The following PIEZO2 variants were observed in gnomAD, a reference collection of about 807,000 sequenced individuals.
The protein encoded by PIEZO2 is piezo-type mechanosensitive ion channel component 2.
PIEZO2 carries 172 observed loss-of-function variants against 337.3 expected under a neutral mutation model. That is an observed-to-expected ratio of 0.51 (90% CI 0.45 to 0.58). The LOEUF (loss-of-function observed/expected upper bound fraction) is 0.58, where lower values mean the gene tolerates loss of function less well. Ranked by LOEUF, PIEZO2 falls within the 20% of genes least tolerant of loss-of-function variation. PIEZO2 has a pLI of 0.00. For missense variants in PIEZO2, 3,028 were observed against 3,391.3 expected (o/e 0.89, Z 2.66); for synonymous variants, 1,251 against 1,228.5 (o/e 1.02, Z -0.38).
chr18:11,024,650 G>A (rs113898403), intron 2 of PIEZO2, among the ~76,000 whole-genome samples: 8,449 of 151,744 alleles, frequency 0.056, 707 homozygotes, highest in African/African-American at 0.18. Context: ...GTTTTGTTTC[G>A]TTTTTTTGAG....
chr18:11,066,287 G>A, intron 1 of PIEZO2, 65 bp from the exon 2 acceptor site: 1 of 1,281,434 alleles, frequency 7.8e-7, no homozygotes, highest in Non-Finnish European at 1.1e-6. Context: ...CAAAACCAGG[G>A]GTGCATAACA....
intron 27 of PIEZO2, among the ~76,000 whole-genome samples, chr18:10,753,093 A>C (rs1359763255): frequency 2.6e-5 from 4 of 152,206 alleles, no homozygotes; most frequent in African/African-American, 9.7e-5. Context: ...GCTTCTCGTC[A>C]CCTTATTCAG....
chr18:10,785,016 T>A, intron 16 of PIEZO2, 59 bp from the exon 17 acceptor site: 2 of 1,463,356 alleles, frequency 1.4e-6, no homozygotes, highest in African/African-American at 1.4e-5. Context: ...AGTCACAAAC[T>A]CTTTGTGATA....
chr18:11,123,765 G>A (rs1316236183), intron 1 of PIEZO2, among the ~76,000 whole-genome samples: 2 of 151,424 alleles, frequency 1.3e-5, no homozygotes. Flanking sequence ...AGCTGAGATC[G>A]CACCATTGCA....
At chr18:10,753,286 T>C (rs2037714551) in intron 27 of PIEZO2, among the ~76,000 whole-genome samples, 1 of 152,182 alleles carries the variant, frequency 6.6e-6, no homozygotes, top group South Asian at 2.1e-4. Flanking sequence ...AAATTTATGT[T>C]GAACACAAAG....
At chr18:11,086,807 A>T (rs1426745481) in intron 1 of PIEZO2, among the ~76,000 whole-genome samples, 1 of 152,188 alleles carries the variant, frequency 6.6e-6, no homozygotes, top group Non-Finnish European at 1.5e-5. Flanking sequence ...ATTTAAAGGA[A>T]ACAGGATTTT....
At chr18:10,736,515 A>G in intron 34 of PIEZO2, 89 bp downstream of exon 34, 1 of 1,484,856 alleles carries the variant, frequency 6.7e-7, no homozygotes, top group South Asian at 1.3e-5. Flanking sequence ...ACATATGAAT[A>G]TTACAGGAGG....
chr18:10,733,694 C>T (rs956026715), intron 35 of PIEZO2, among the ~76,000 whole-genome samples: 11 of 152,174 alleles, frequency 7.2e-5, no homozygotes, highest in African/African-American at 2.4e-4. Flanking sequence ...GTGATCTGCC[C>T]GCCTCGGCCT....
intron 7 of PIEZO2, among the ~76,000 whole-genome samples, chr18:10,849,485 G>A (rs890519981): frequency 6.6e-6 from 1 of 152,218 alleles, no homozygotes; most frequent in Non-Finnish European, 1.5e-5. Flanking sequence ...ATTCCCAGTA[G>A]TGAAACAGGA....
chr18:10,895,430 A>G lies in PIEZO2; in HGVS notation c.329+15756T>C, dbSNP rs1407614333. ...CACAGCACTCCAGCCTGGGCAACAGAGCAAGACTCCGTCTCAAAAATAATA... is the reference window on the plus strand; with the variant it reads ...CACAGCACTCCAGCCTGGGCAACAGGGCAAGACTCCGTCTCAAAAATAATA... On this transcript the variant is annotated intron_variant, in intron 4 of 55. Transcript: ENST00000674853. The surrounding 1 kb of genome is among the most constrained non-coding windows in gnomAD (Gnocchi z 4.8). Among the ~76,000 whole-genome samples, 1 of 152,090 alleles carries G rather than the reference A, an allele frequency of 6.6e-6. No individual in the cohort carries two copies. Among genetic ancestry groups the G allele is most frequent in the Non-Finnish European group, 1.5e-5 (1 of 68,020 alleles).
At chr18:10,733,448 ATTTTTTTT>A (rs34583213) in intron 35 of PIEZO2, among the ~76,000 whole-genome samples, 1 of 128,312 alleles carries the variant, frequency 7.8e-6, no homozygotes, top group African/African-American at 3.1e-5. Flanking sequence ...AAACTTCCCA[ATTTTTTTT>A]TTTTTTTTTT....
intron 1 of PIEZO2, among the ~76,000 whole-genome samples, chr18:11,133,439 T>G (rs1002278691): frequency 2.0e-5 from 3 of 152,164 alleles, no homozygotes; most frequent in Non-Finnish European, 1.5e-5. Context: ...TTGATTGGAT[T>G]GAAGGATACA....
chr18:10,982,237 A>G lies in PIEZO2; in HGVS notation c.161-2577T>C, dbSNP rs984906261. ...GTGTATTCGGGTTCTCTAGAGGGACAGGACTAATAAGATAGATGCATATAT... is the reference window on the plus strand; with the variant it reads ...GTGTATTCGGGTTCTCTAGAGGGACGGGACTAATAAGATAGATGCATATAT... On this transcript the variant is annotated intron_variant, in intron 2 of 55. Transcript: ENST00000674853. This position sits in a 1 kb window ranked among gnomAD's most constrained non-coding sequence, Gnocchi z 4.1. Among the ~76,000 whole-genome samples the G allele has an allele frequency of 6.6e-6, 1 of 152,220 alleles. No homozygotes were observed. The highest frequency in any genetic ancestry group is 2.4e-5 in the African/African-American group (1 of 41,462).
chr18:11,011,224 C>T (rs1567159), intron 2 of PIEZO2, among the ~76,000 whole-genome samples: 24,158 of 152,118 alleles, frequency 0.16, 2,025 homozygotes, highest in Admixed American at 0.22. Context: ...GTCATCTATT[C>T]AACAGAACTT....
At chr18:10,745,925 T>C (rs527646253) in intron 30 of PIEZO2, among the ~76,000 whole-genome samples, 62 of 152,152 alleles carry the variant, frequency 4.1e-4, no homozygotes, top group African/African-American at 1.4e-3. Context: ...GTTCCTATAT[T>C]TGGGACTGGC....
chr18:10,685,450 T>C (rs1276244847), intron 49 of PIEZO2, among the ~76,000 whole-genome samples: 7 of 152,210 alleles, frequency 4.6e-5, no homozygotes, highest in African/African-American at 1.7e-4. Context: ...AAATGAGGCT[T>C]CTTATTTCTT....
Position 10,837,205 on chromosome 18 carries a change from T to C in PIEZO2, c.917+18148A>G, listed in dbSNP as rs1327164507. Among the ~76,000 whole-genome samples, 3 of 152,198 alleles carry C rather than the reference T, an allele frequency of 2.0e-5. No individual in the cohort carries two copies. The highest frequency in any genetic ancestry group is 7.2e-5 in the African/African-American group (3 of 41,454). On this transcript the variant is annotated intron_variant, in intron 7 of 55. Transcript: ENST00000674853. This position sits in a 1 kb window ranked among gnomAD's most constrained non-coding sequence, Gnocchi z 4.4. ...GACGGTAACAGAACCTGGAAATCAA[T>C]GCTTTGAGGGGATTTTATTTTGACA...
intron 7 of PIEZO2, among the ~76,000 whole-genome samples, chr18:10,812,048 T>C (rs1018544757): frequency 1.5e-4 from 23 of 152,230 alleles, no homozygotes; most frequent in Non-Finnish European, 2.5e-4. Flanking sequence ...TTAGCCAGGA[T>C]GGTCTCGATC....
At chr18:11,023,928 C>T (rs1366506983) in intron 2 of PIEZO2, among the ~76,000 whole-genome samples, 1 of 152,186 alleles carries the variant, frequency 6.6e-6, no homozygotes, top group African/African-American at 2.4e-5. Context: ...GCAGGACTGG[C>T]CGGCCGTTCT....
Sources: allele counts gnomAD v4.1 joint callset (sites outside exome capture counted in the v4.1 genomes callset), GRCh38; gene constraint gnomAD v4.1.1; non-coding constraint Gnocchi (gnomAD v3.1); transcripts MANE v1.5; gene names NCBI Gene and HGNC (gene_info 2026-07-23, HGNC 2026-07-21).